The following SNX29 variants were observed in gnomAD, a reference collection of about 807,000 sequenced individuals.
SNX29 encodes the protein sorting nexin 29.
Under a neutral mutation model 102.1 loss-of-function variants are expected in SNX29, and 78 were observed. The ratio of observed to expected loss-of-function variants is 0.76; its 90% CI spans 0.64 to 0.92. SNX29 has a LOEUF of 0.92. Ranked by LOEUF, SNX29 falls within the 40% of genes least tolerant of loss-of-function variation. SNX29 has a pLI of 0.00. For synonymous variants in SNX29, 580 were observed against 414.5 expected, an observed-to-expected ratio of 1.40 and a Z score of -4.85; for missense variants, 1,280 against 1,061.7, an observed-to-expected ratio of 1.21 and a Z score of -2.86.
chr16:12,459,519 A>G (rs1448946164), intron 18 of SNX29, among the ~76,000 whole-genome samples: 1 of 152,176 alleles, frequency 6.6e-6, no homozygotes, highest in Admixed American at 6.5e-5. Flanking sequence ...GATGGCAGGC[A>G]GAGAAAGACA....
chr16:12,214,202 C>T (rs1436454499), intron 14 of SNX29, among the ~76,000 whole-genome samples: 10 of 152,172 alleles, frequency 6.6e-5, no homozygotes, highest in Admixed American at 5.9e-4. Context: ...TATCGATTCA[C>T]GATTGTTGTT....
chr16:12,356,084 A>C, intron 15 of SNX29, 79 bp from the exon 16 acceptor site: 2 of 1,336,526 alleles, frequency 1.5e-6, no homozygotes, highest in Non-Finnish European at 2.1e-6. Flanking sequence ...GGTGTCAGGA[A>C]GGAGAGTCCA....
intron 19 of SNX29, among the ~76,000 whole-genome samples, chr16:12,512,410 A>G: frequency 1.7e-5 from 1 of 58,952 alleles, no homozygotes; most frequent in African/African-American, 9.1e-5. Flanking sequence ...ATATATATAT[A>G]TATATATAGT....
rs114890858 is a variant in SNX29, at chr16:12,091,873, A to C, written c.1402+12958A>C. Among the ~76,000 whole-genome samples, 1,255 of 152,046 alleles carry C rather than the reference A, an allele frequency of 8.3e-3. 14 individuals carry two copies. Among genetic ancestry groups the C allele is most frequent in the African/African-American group, 0.029 (1,196 of 41,470 alleles). ...AAGGCGCCATCAGTGAACCAAGAAGAGGACCCTCACCAGATCCCGAATCTG... is the reference window on the plus strand; with the variant it reads ...AAGGCGCCATCAGTGAACCAAGAAGCGGACCCTCACCAGATCCCGAATCTG... On this transcript the variant is annotated intron_variant, in intron 11 of 20. Coordinates refer to ENST00000566228, the MANE Select transcript of SNX29 (RefSeq NM_032167.5).
At chr16:12,229,452 C>G (rs830717) in intron 14 of SNX29, among the ~76,000 whole-genome samples, 63,321 of 152,062 alleles carry the variant, frequency 0.42, 15,166 homozygotes, top group Non-Finnish European at 0.55. Flanking sequence ...TCCCTGATGT[C>G]AAATGGCCAG....
At chr16:12,483,122 T>TTTTTTG (rs2088039380) in intron 19 of SNX29, among the ~76,000 whole-genome samples, 1 of 107,194 alleles carries the variant, frequency 9.3e-6, no homozygotes, top group Non-Finnish European at 1.8e-5. Flanking sequence ...AAGTTTTTTT[T>TTTTTTG]TTTTTTTTTT....
intron 1 of SNX29, among the ~76,000 whole-genome samples, chr16:11,988,267 C>T (rs548764127): frequency 6.8e-6 from 1 of 146,630 alleles, no homozygotes; most frequent in Admixed American, 7.0e-5. Flanking sequence ...GCACTCCAGC[C>T]TGGGCGACAG....
chr16:12,483,129 T>TTG (rs1567610298), intron 19 of SNX29, among the ~76,000 whole-genome samples: 1 of 134,180 alleles, frequency 7.5e-6, no homozygotes, highest in Non-Finnish European at 1.6e-5. Flanking sequence ...TTTTTTTTTT[T>TTG]TTTTTTTTTT....
At chr16:12,031,229 C>T (rs1378460351) in intron 4 of SNX29, among the ~76,000 whole-genome samples, 4 of 151,910 alleles carry the variant, frequency 2.6e-5, no homozygotes, top group African/African-American at 4.8e-5. Flanking sequence ...TGTACCACCA[C>T]GCTGCCTAAT....
At chr16:12,344,146 C>T (rs938139658) in intron 15 of SNX29, among the ~76,000 whole-genome samples, 7 of 152,312 alleles carry the variant, frequency 4.6e-5, no homozygotes, top group Admixed American at 2.6e-4. Context: ...ATTGGGAGGC[C>T]TCCCCAGTCA....
intron 20 of SNX29, among the ~76,000 whole-genome samples, chr16:12,539,292 C>G (rs71386711): frequency 1.3e-5 from 2 of 152,034 alleles, no homozygotes; most frequent in South Asian, 2.1e-4. Flanking sequence ...TCCCCCACCT[C>G]TAAGCCCTTG....
At chr16:12,565,928 T>A (rs1265748705) in intron 20 of SNX29, among the ~76,000 whole-genome samples, 1 of 152,188 alleles carries the variant, frequency 6.6e-6, no homozygotes. Flanking sequence ...CACAGCCATC[T>A]GTCCAGTGTC....
intron 10 of SNX29, among the ~76,000 whole-genome samples, chr16:12,076,856 G>A (rs1384990713): frequency 6.6e-6 from 1 of 152,216 alleles, no homozygotes; most frequent in Admixed American, 6.5e-5. Flanking sequence ...ACCTGGAACA[G>A]TCAAGGGTTC....
chr16:12,029,737 G>A, intron 4 of SNX29: 1 of 389,582 alleles, frequency 2.6e-6, no homozygotes, highest in Non-Finnish European at 5.0e-6. Flanking sequence ...GACTATAGGT[G>A]TGTGCCACCA....
At chr16:12,565,180 C>T (rs1003377022) in intron 20 of SNX29, among the ~76,000 whole-genome samples, 1 of 152,110 alleles carries the variant, frequency 6.6e-6, no homozygotes, top group Non-Finnish European at 1.5e-5. Context: ...CTACCCAACC[C>T]CCCACCTTCA....
chr16:12,182,282 G>A (rs2076404514), intron 13 of SNX29, among the ~76,000 whole-genome samples: 1 of 151,420 alleles, frequency 6.6e-6, no homozygotes, highest in Admixed American at 6.6e-5. Flanking sequence ...TTTCTAAACG[G>A]GCATTTAAAA....
chr16:12,518,234 A>G (rs1283109511), intron 19 of SNX29, among the ~76,000 whole-genome samples: 1 of 152,058 alleles, frequency 6.6e-6, no homozygotes, highest in Non-Finnish European at 1.5e-5. Flanking sequence ...AGTGTTGATC[A>G]GATCAGCTAC....
intron 19 of SNX29, among the ~76,000 whole-genome samples, chr16:12,493,625 A>G (rs995422594): frequency 6.6e-6 from 1 of 152,050 alleles, no homozygotes; most frequent in Admixed American, 6.6e-5. Context: ...ACAAGGTCTC[A>G]CTCTTGCCCA....
At chr16:12,069,727 G>A (rs2051202322) in intron 10 of SNX29, among the ~76,000 whole-genome samples, 1 of 152,214 alleles carries the variant, frequency 6.6e-6, no homozygotes, top group South Asian at 2.1e-4. Context: ...GTCTCGCTGT[G>A]TTGCCCAGGC....
Sources: allele counts gnomAD v4.1 joint callset (sites outside exome capture counted in the v4.1 genomes callset), GRCh38; gene constraint gnomAD v4.1.1; transcripts MANE v1.5; gene names NCBI Gene and HGNC (gene_info 2026-07-23, HGNC 2026-07-21).